Variants in PHF8 observed in about 807,000 individuals in gnomAD.
PHF8 encodes PHD finger protein 8.
PHF8 carries 9 observed loss-of-function variants against 74.4 expected under a neutral mutation model. The ratio of observed to expected loss-of-function variants is 0.12; its 90% CI spans 0.07 to 0.21. PHF8 has a LOEUF of 0.21. Among genes scored for constraint, PHF8 ranks in the 10% least tolerant of loss-of-function variants. The pLI is 1.00. For synonymous variants in PHF8, 311 were observed against 316.6 expected, an observed-to-expected ratio of 0.98 and a Z score of 0.19; for missense variants, 478 against 816.6, an observed-to-expected ratio of 0.59 and a Z score of 5.05.
At chrX:53,952,655 G>A (rs928617170) in intron 19 of PHF8, among the ~76,000 whole-genome samples, 7 of 110,169 alleles carry the variant, frequency 6.4e-5, no homozygotes, top group Non-Finnish European at 1.1e-4. Context: ...AGGCTGAGGC[G>A]GGCGGATCAT....
intron 19 of PHF8, among the ~76,000 whole-genome samples, chrX:53,961,367 G>T (rs2065102696): frequency 9.3e-6 from 1 of 107,620 alleles, no homozygotes; most frequent in African/African-American, 3.4e-5. Context: ...CCCACTTGTT[G>T]CCCAGGCTGG....
At chrX:53,991,661 C>CAAAAA (rs1201744328) in intron 14 of PHF8, among the ~76,000 whole-genome samples, 905 of 14,015 alleles carry the variant, frequency 0.065, no homozygotes, top group Non-Finnish European at 0.094. Context: ...GACTCTGTCT[C>CAAAAA]AAAAAAAAAA....
chrX:54,023,804 G>A (rs1480533590), intron 2 of PHF8, among the ~76,000 whole-genome samples: 4 of 91,759 alleles, frequency 4.4e-5, no homozygotes, highest in Admixed American at 4.1e-4. Flanking sequence ...TTGTGCTACC[G>A]CACTCCAGCC....
At chrX:53,939,478 G>GT in intron 21 of PHF8, among the ~76,000 whole-genome samples, 1 of 111,184 alleles carries the variant, frequency 9.0e-6, no homozygotes, top group South Asian at 3.8e-4. Flanking sequence ...ATTACAGTTT[G>GT]TCTAGTTCTT....
At chrX:54,041,069 G>T in intron 2 of PHF8, among the ~76,000 whole-genome samples, 1 of 111,684 alleles carries the variant, frequency 9.0e-6, no homozygotes, top group East Asian at 2.8e-4. Context: ...CCTATAGTTT[G>T]GTCTTGAGTG....
At chrX:53,952,877 G>T (rs1219326360) in intron 19 of PHF8, among the ~76,000 whole-genome samples, 2 of 92,971 alleles carry the variant, frequency 2.2e-5, no homozygotes, top group African/African-American at 8.6e-5. Flanking sequence ...GACACAGCGA[G>T]ACTCTGCCTC....
intron 19 of PHF8, 57 bp from the exon 20 acceptor site, chrX:53,944,300 A>C: frequency 1.1e-6 from 1 of 869,845 alleles, no homozygotes; most frequent in Admixed American, 2.2e-5. Flanking sequence ...AAGGCTAGCC[A>C]TATTCCCTAC....
chrX:54,014,876 A>C (rs1393179715), intron 6 of PHF8, among the ~76,000 whole-genome samples: 2 of 111,843 alleles, frequency 1.8e-5, no homozygotes, highest in Non-Finnish European at 3.8e-5. Context: ...GGATTATAGA[A>C]GTTATTGCAC....
chrX:53,991,011 T>C (rs1343130382), intron 14 of PHF8, among the ~76,000 whole-genome samples: 2 of 111,562 alleles, frequency 1.8e-5, no homozygotes, highest in African/African-American at 6.5e-5. Context: ...GTTCTACGTA[T>C]ATTATCTCAT....
intron 18 of PHF8, among the ~76,000 whole-genome samples, chrX:53,979,662 ATGTCATTCAC>A (rs2065448389): frequency 8.9e-6 from 1 of 112,329 alleles, no homozygotes; most frequent in Non-Finnish European, 1.9e-5. Context: ...AATTTTATTA[ATGTCATTCAC>A]TGTATTAACA....
chrX:54,042,164 T>G (rs1238593514), intron 2 of PHF8, among the ~76,000 whole-genome samples: 1 of 109,955 alleles, frequency 9.1e-6, no homozygotes, highest in African/African-American at 3.3e-5. Flanking sequence ...CAGCTGGGTG[T>G]GGTGGTGCAT....
intron 4 of PHF8, among the ~76,000 whole-genome samples, chrX:54,021,625 C>T (rs1016079972): frequency 9.3e-6 from 1 of 107,582 alleles, no homozygotes; most frequent in African/African-American, 3.4e-5. Context: ...CCCGCCACTA[C>T]GCCCGGCCAA....
intron 18 of PHF8, among the ~76,000 whole-genome samples, chrX:53,967,528 C>T (rs1404729416): frequency 3.7e-5 from 4 of 109,486 alleles, no homozygotes; most frequent in African/African-American, 6.6e-5. Context: ...CCGCCCCGTC[C>T]GGGAGGTGAG....
At chrX:54,005,327 G>A (rs1175180713) in intron 8 of PHF8, among the ~76,000 whole-genome samples, 10 of 108,098 alleles carry the variant, frequency 9.3e-5, no homozygotes, top group African/African-American at 3.4e-4. Context: ...AATTAGCAGG[G>A]CATGGTGGCA....
At chrX:53,978,494 T>C (rs1486400713) in intron 18 of PHF8, among the ~76,000 whole-genome samples, 1 of 111,353 alleles carries the variant, frequency 9.0e-6, no homozygotes, top group African/African-American at 3.3e-5. Context: ...ACAACATGAA[T>C]GAATATTAAA....
chrX:53,997,349 T>G (rs1249273085), intron 11 of PHF8, among the ~76,000 whole-genome samples: 1 of 112,348 alleles, frequency 8.9e-6, no homozygotes, highest in Non-Finnish European at 1.9e-5. Context: ...ACTTTTCACT[T>G]CATTTCTGTA....
chrX:54,045,210 T>G, upstream of PHF8: 11 of 218,084 alleles, frequency 5.0e-5, no homozygotes, highest in East Asian at 8.1e-5. Context: ...TTTCTGACTA[T>G]AGCCTGAGGG....
chrX:53,969,410 C>T (rs1322293040), intron 18 of PHF8, among the ~76,000 whole-genome samples: 3 of 110,020 alleles, frequency 2.7e-5, no homozygotes, highest in African/African-American at 9.9e-5. Flanking sequence ...ATAAATTTAA[C>T]CAAATAATTG....
At position 53,978,140 on chromosome X, in the gene PHF8, G is replaced by A. The variant is rs1167677501; in HGVS notation, c.2443+6774C>T. The stretch of plus-strand genomic sequence containing the variant: ...TTTTTGTATTTTTAGTAGAGACAGG[G>A]TTTGACCATATTGGCCAGGCTGGTC... On this transcript the variant is annotated intron_variant, in intron 18 of 21. Transcript: ENST00000338154. Among the ~76,000 whole-genome samples the A allele has an allele frequency of 2.8e-5, 3 of 108,187 alleles. No homozygotes were observed. In the Admixed American group the frequency reaches 3.0e-4, roughly 11 times the overall value. The allele number at this position is 108,187 out of a possible 115,157, so 93.9% of individuals were successfully genotyped here.
Sources: allele counts gnomAD v4.1 joint callset (sites outside exome capture counted in the v4.1 genomes callset), GRCh38; gene constraint gnomAD v4.1.1; transcripts MANE v1.5; gene names NCBI Gene and HGNC (gene_info 2026-07-23, HGNC 2026-07-21).